The following DPP6 variants were observed in gnomAD, a reference collection of about 807,000 sequenced individuals.
DPP6 encodes dipeptidyl peptidase like 6, also known as A-type potassium channel modulatory protein DPP6.
In DPP6, 69 loss-of-function variants were observed where a neutral mutation model predicts 122.6. That is an observed-to-expected ratio of 0.56 (90% confidence interval 0.46 to 0.69). DPP6 has a LOEUF of 0.69. DPP6 is among the 30% of genes least tolerant of loss of function. The probability of loss-of-function intolerance (pLI) is 0.00; values close to 1 mark genes in which losing one functional copy is unlikely to be tolerated. For missense variants in DPP6, 928 were observed against 1,116.9 expected, an observed-to-expected ratio of 0.83 and a Z score of 2.41; for synonymous variants, 418 against 433.1, an observed-to-expected ratio of 0.97 and a Z score of 0.43.
At chr7:154,800,337 T>A (rs935168718) in intron 12 of DPP6, among the ~76,000 whole-genome samples, 3 of 152,234 alleles carry the variant, frequency 2.0e-5, no homozygotes, top group African/African-American at 7.2e-5. Context: ...GAGTTTTGCT[T>A]GTGCCAGCTG....
the DPP6 span, among the ~76,000 whole-genome samples, chr7:153,753,512 A>G: frequency 6.6e-6 from 1 of 151,182 alleles, no homozygotes; most frequent in Non-Finnish European, 1.5e-5. Flanking sequence ...CAGGTCCGAA[A>G]AAACTCTCAA....
chr7:154,385,335 G>A lies in DPP6; in HGVS notation c.244-60879G>A, dbSNP rs62475094. Among the ~76,000 whole-genome samples the A allele has an allele frequency of 5.5e-3, 830 of 152,164 alleles. 2 individuals carry two copies. Among genetic ancestry groups the A allele is most frequent in the Non-Finnish European group, 7.7e-3 (523 of 68,014 alleles). ...GCGACACATGCTCTTGGGTCACTCCGCCACCCGTGGGGTTGTGAATCAAGT... is the reference window on the plus strand; with the variant it reads ...GCGACACATGCTCTTGGGTCACTCCACCACCCGTGGGGTTGTGAATCAAGT... On this transcript the variant is annotated intron_variant, in intron 1 of 25. Transcript: ENST00000377770.
chr7:153,875,003 G>A, the DPP6 span, among the ~76,000 whole-genome samples: 8 of 152,128 alleles, frequency 5.3e-5, no homozygotes, highest in Non-Finnish European at 1.0e-4. Flanking sequence ...AAATCCAACA[G>A]ATATTAGCTG....
chr7:154,011,241 G>C (rs528943727), intron 1 of DPP6, among the ~76,000 whole-genome samples: 5 of 152,318 alleles, frequency 3.3e-5, no homozygotes, highest in Admixed American at 6.5e-5. Context: ...GGGATGGAGA[G>C]TAATGTTGGG....
At chr7:154,280,198 A>T (rs1463270516) in intron 1 of DPP6, among the ~76,000 whole-genome samples, 2 of 151,846 alleles carry the variant, frequency 1.3e-5, no homozygotes, top group Non-Finnish European at 2.9e-5. Flanking sequence ...GTTTTTTTAT[A>T]AAAAAAGGTT....
At chr7:153,848,965 AATAC>A in the DPP6 span, among the ~76,000 whole-genome samples, 2 of 152,174 alleles carry the variant, frequency 1.3e-5, no homozygotes, top group African/African-American at 4.8e-5. Flanking sequence ...TCTTAGGTCT[AATAC>A]ATAAAAGGGT....
intron 1 of DPP6, among the ~76,000 whole-genome samples, chr7:154,342,097 T>C (rs1809985491): frequency 6.6e-6 from 1 of 152,170 alleles, no homozygotes; most frequent in Admixed American, 6.5e-5. Context: ...TTGTTAATAA[T>C]TGGTTAATTA....
chr7:153,810,682 CTCTCTCTCTCT>C, the DPP6 span, among the ~76,000 whole-genome samples: 4 of 141,980 alleles, frequency 2.8e-5, no homozygotes, highest in South Asian at 4.7e-4. Flanking sequence ...CTCTCTCTCT[CTCTCTCTCTCT>C]CTCTCTCTCT....
intron 1 of DPP6, among the ~76,000 whole-genome samples, chr7:154,328,383 G>A (rs553625778): frequency 6.6e-6 from 1 of 152,298 alleles, no homozygotes; most frequent in East Asian, 1.9e-4. Context: ...GGGCCTGGAA[G>A]GGATTCCTGT....
intron 1 of DPP6, among the ~76,000 whole-genome samples, chr7:154,421,162 A>T (rs78387961): frequency 6.6e-6 from 1 of 151,920 alleles, no homozygotes; most frequent in Non-Finnish European, 1.5e-5. Context: ...ACAATGCCTA[A>T]TTTTCAGCAT....
At chr7:154,141,552 T>G (rs1056340750) in intron 1 of DPP6, among the ~76,000 whole-genome samples, 1 of 152,242 alleles carries the variant, frequency 6.6e-6, no homozygotes, top group Non-Finnish European at 1.5e-5. Context: ...AGCCAGTCGA[T>G]GCAGGTGATG....
intron 1 of DPP6, among the ~76,000 whole-genome samples, chr7:153,984,368 T>C (rs911322206): frequency 2.0e-5 from 3 of 152,310 alleles, no homozygotes; most frequent in Admixed American, 1.3e-4. Context: ...AACTTTTTCA[T>C]AGAAACATGT....
At chr7:154,303,678 A>C (rs1198115567) in intron 1 of DPP6, among the ~76,000 whole-genome samples, 1 of 152,050 alleles carries the variant, frequency 6.6e-6, no homozygotes, top group East Asian at 1.9e-4. Context: ...ACACACCCAT[A>C]CCACACAGCA....
chr7:154,446,860 G>A (rs1374723461), intron 2 of DPP6, among the ~76,000 whole-genome samples: 3 of 152,206 alleles, frequency 2.0e-5, no homozygotes. Flanking sequence ...CCAAAGAGAA[G>A]TGCTATTGGA....
At chr7:154,142,087 GAA>G in intron 1 of DPP6, among the ~76,000 whole-genome samples, 1 of 152,102 alleles carries the variant, frequency 6.6e-6, no homozygotes, top group African/African-American at 2.4e-5. Context: ...GCTTAGAATT[GAA>G]AGATATCGTA....
intron 5 of DPP6, chr7:154,587,213 G>C (rs1832514328): frequency 4.8e-6 from 1 of 209,870 alleles, no homozygotes. Flanking sequence ...CTGCACTTCG[G>C]TGGACTCTCA....
chr7:154,887,543 C>T (rs1178244367), intron 22 of DPP6, 133 bp from the exon 23 acceptor site: 5 of 859,476 alleles, frequency 5.8e-6, no homozygotes, highest in African/African-American at 1.7e-5. Flanking sequence ...AACAATCTGC[C>T]ACACAAGTGG....
rs1172192062 is a variant in DPP6, at chr7:154,061,917, C to A, written c.243+8854C>A. On this transcript the variant is annotated intron_variant, in intron 1 of 25. Transcript: ENST00000377770. ...GGCAATCCCTCTTCCCCCCCTGGCT[C>A]TGAGGACCCCCATCGCAGGAGGGGG... Among the ~76,000 whole-genome samples, 135 of 129,348 alleles carry A rather than the reference C, an allele frequency of 1.0e-3. 5 individuals are homozygous for A. The highest frequency in any genetic ancestry group is 3.8e-3 in the African/African-American group (132 of 34,764). The allele number at this position is 129,348 out of a possible 152,430, so 84.9% of individuals were successfully genotyped here.
At chr7:154,420,833 A>G (rs905141748) in intron 1 of DPP6, among the ~76,000 whole-genome samples, 5 of 151,906 alleles carry the variant, frequency 3.3e-5, no homozygotes, top group Non-Finnish European at 5.9e-5. Context: ...CTATTTGTCA[A>G]TTTTTTTTCC....
Sources: allele counts gnomAD v4.1 joint callset (sites outside exome capture counted in the v4.1 genomes callset), GRCh38; gene constraint gnomAD v4.1.1; transcripts MANE v1.5; gene names NCBI Gene and HGNC (gene_info 2026-07-23, HGNC 2026-07-21).